The following ADGRD1 variants were observed in gnomAD, a reference collection of about 807,000 sequenced individuals.
The protein encoded by ADGRD1 is adhesion G protein-coupled receptor D1.
Under a neutral mutation model 113.4 loss-of-function variants are expected in ADGRD1, and 77 were observed. That is an observed-to-expected ratio of 0.68 (90% CI 0.57 to 0.82). ADGRD1 has a LOEUF of 0.82. ADGRD1 is among the 40% of genes least tolerant of loss of function. The pLI, the probability that ADGRD1 is intolerant of heterozygous loss-of-function variation, is 0.00. For synonymous variants in ADGRD1, 474 were observed against 475.0 expected, an observed-to-expected ratio of 1.00 and a Z score of 0.03; for missense variants, 1,036 against 1,139.1, an observed-to-expected ratio of 0.91 and a Z score of 1.30.
At position 131,097,813 on chromosome 12, in the gene ADGRD1, G is replaced by T. The variant is rs372769399; in HGVS notation, c.1672-7018G>T. Reference sequence around the variant, plus strand: ...GCAGATGGTTGGTTCAAGGGCTGGTGTGGGGGTGGAGTGTGGACCTAGCCC... The same window carrying T: ...GCAGATGGTTGGTTCAAGGGCTGGTTTGGGGGTGGAGTGTGGACCTAGCCC... On this transcript the variant is annotated intron_variant, in intron 15 of 24. Coordinates refer to ENST00000261654, the MANE Select transcript of ADGRD1 (RefSeq NM_198827.5). 1.1e-3 allele frequency among the ~76,000 whole-genome samples: 163 copies of T among 152,372 alleles called. 1 individual carries two copies. In the Middle Eastern group the frequency reaches 0.017, roughly 16 times the overall value.
chr12:131,103,532 T>C (rs1950146820), intron 15 of ADGRD1, among the ~76,000 whole-genome samples: 1 of 152,010 alleles, frequency 6.6e-6, no homozygotes, highest in African/African-American at 2.4e-5. Flanking sequence ...GGGCTTCCCA[T>C]GGCCCCCTGG....
chr12:130,979,815 T>TCACACACACACACACACACACACA (rs1491129989), intron 4 of ADGRD1, among the ~76,000 whole-genome samples: 13 of 139,740 alleles, frequency 9.3e-5, no homozygotes, highest in African/African-American at 2.9e-4. Flanking sequence ...GCAGCTAGTG[T>TCACACACACACACACACACACACA]CTCACACACA....
At chr12:131,099,620 G>C (rs2137296194) in intron 15 of ADGRD1, among the ~76,000 whole-genome samples, 1 of 152,296 alleles carries the variant, frequency 6.6e-6, no homozygotes, top group South Asian at 2.1e-4. Flanking sequence ...TGTGGAAGAA[G>C]AATGTATAAC....
At chr12:130,963,435 C>A (rs560491967) in intron 2 of ADGRD1, among the ~76,000 whole-genome samples, 22 of 152,140 alleles carry the variant, frequency 1.4e-4, no homozygotes, top group African/African-American at 4.1e-4. Flanking sequence ...TTTCTTCACT[C>A]CCAAAACAGC....
rs1950286773 is a variant in ADGRD1 at position 131,108,735 on chromosome 12, A to C, written c.1899A>C (p.Gln633His). The C allele has an allele frequency of 6.2e-7, 1 of 1,614,088 alleles. No homozygotes were observed. The highest frequency in any genetic ancestry group is 8.5e-7 in the Non-Finnish European group (1 of 1,180,004). The part of the protein sequence containing the change: ...FRLEPGTTPC[Q>H]VMAVLLHYFF... Reference sequence around the variant, plus strand: ...TGGTTAAATCCTAGACCCCCTGCCAAGTGATGGCCGTGCTCCTACACTACT... The same window carrying C: ...TGGTTAAATCCTAGACCCCCTGCCACGTGATGGCCGTGCTCCTACACTACT... Residue 633 changes from glutamine (Q) to histidine (H), a missense_variant, in exon 18 of 25, where the codon CAA becomes CAC. Transcript: ENST00000261654.
At position 130,965,189 on chromosome 12, in the gene ADGRD1, T is replaced by C. The variant is rs1232109912; in HGVS notation, c.104-1274T>C. ...GAGAACTCTTCTTTTTTTGTAGCAT[T>C]ATTGTTGGAATACAGAAAAGCAATT... On this transcript the variant is annotated intron_variant, in intron 2 of 24. Coordinates refer to ENST00000261654, the MANE Select transcript of ADGRD1 (RefSeq NM_198827.5). This position sits in a 1 kb window ranked among gnomAD's most constrained non-coding sequence, Gnocchi z 4.8. 6.6e-6 allele frequency among the ~76,000 whole-genome samples: 1 copy of C among 152,218 alleles called. No homozygotes were observed. Among genetic ancestry groups the C allele is most frequent in the East Asian group, 1.9e-4 (1 of 5,202 alleles).
chr12:131,014,967 G>A (rs1460621641), intron 13 of ADGRD1, among the ~76,000 whole-genome samples: 3 of 152,218 alleles, frequency 2.0e-5, no homozygotes, highest in Admixed American at 1.3e-4. Flanking sequence ...TAAAAAACGC[G>A]TGCGCTGTTC....
Position 131,136,068 on chromosome 12 carries a change from C to T in ADGRD1, c.2299C>T (p.Pro767Ser). 1 of 1,614,112 alleles carries T rather than the reference C, an allele frequency of 6.2e-7. No homozygotes were observed. Among genetic ancestry groups the T allele is most frequent in the Non-Finnish European group, 8.5e-7 (1 of 1,179,914 alleles). ...LTAKAVAVLL[P>S]ILGTSWVFGV... The stretch of plus-strand genomic sequence containing the variant: ...AGCCAAGGCAGTGGCCGTGCTGCTG[C>T]CCATCCTGGGTACCTCGTGGGTCTT... The change falls in exon 22 of 25, where the codon CCC (proline) becomes TCC (serine). Residue 767 changes from proline to serine, a missense_variant. Physicochemically the swap from Pro to Ser is moderately conservative, Grantham distance 74. Transcript: ENST00000261654.
chr12:131,000,778 AAAG>A (rs1876288129), intron 9 of ADGRD1, among the ~76,000 whole-genome samples: 1 of 151,686 alleles, frequency 6.6e-6, no homozygotes, highest in Admixed American at 6.6e-5. Context: ...GAGAGAGAGA[AAAG>A]AACATTTTGA....
intron 13 of ADGRD1, 95 bp from the exon 14 acceptor site, chr12:131,076,706 C>T (rs931506937): frequency 2.4e-5 from 25 of 1,034,174 alleles, no homozygotes; most frequent in Non-Finnish European, 3.1e-5. Flanking sequence ...TACCTGAGGT[C>T]GCCCAGCTGT....
At position 130,991,032 on chromosome 12, in the gene ADGRD1, C is replaced by T; in HGVS notation, c.764C>T (p.Ser255Phe). 6.2e-7 allele frequency: 1 copy of T among 1,614,062 alleles called. No individual in the cohort carries two copies. Among genetic ancestry groups the T allele is most frequent in the Non-Finnish European group, 8.5e-7 (1 of 1,179,916 alleles). The change falls in exon 7 of 25, where the codon TCT (serine) becomes TTT (phenylalanine). Residue 255 changes from serine to phenylalanine, a missense_variant. Ser to Phe is a radical substitution (Grantham distance 155). Transcript: ENST00000261654. ...TAAIGKHALL[S>F]STLPSLFMTS... ...CTTCCAGGAAAGCATGCTTTATTGTCTTCAACGCTGCCAAGCCTCTTCATG... is the reference window on the plus strand; with the variant it reads ...CTTCCAGGAAAGCATGCTTTATTGTTTTCAACGCTGCCAAGCCTCTTCATG...
chr12:130,955,788 G>GT (rs373055635), intron 2 of ADGRD1, among the ~76,000 whole-genome samples: 1 of 151,734 alleles, frequency 6.6e-6, no homozygotes, highest in African/African-American at 2.4e-5. Context: ...AATTATTTTT[G>GT]TTTTTATTTT....
intron 13 of ADGRD1, among the ~76,000 whole-genome samples, chr12:131,068,324 G>T (rs1171300653): frequency 6.6e-6 from 1 of 152,158 alleles, no homozygotes; most frequent in African/African-American, 2.4e-5. Context: ...GGGCATTTGG[G>T]TTTTTTTCTC....
intron 12 of ADGRD1, among the ~76,000 whole-genome samples, chr12:131,013,608 A>T (rs1286385345): frequency 6.6e-6 from 1 of 152,188 alleles, no homozygotes; most frequent in African/African-American, 2.4e-5. Flanking sequence ...CTGAGCCAAG[A>T]TAGAGTCAAC....
At chr12:130,994,398 C>G (rs1301409367) in intron 8 of ADGRD1, 1 of 274,282 alleles carries the variant, frequency 3.6e-6, no homozygotes. Context: ...AGTGCCCTGC[C>G]TGTAGCTAAG....
chr12:131,042,863 TG>T (rs1316990287), intron 13 of ADGRD1, among the ~76,000 whole-genome samples: 5 of 152,270 alleles, frequency 3.3e-5, no homozygotes, highest in African/African-American at 7.2e-5. Flanking sequence ...ACGAATTGGT[TG>T]ATTTCACATG....
chr12:131,039,532 G>T (rs912809959), intron 13 of ADGRD1, among the ~76,000 whole-genome samples: 1 of 152,254 alleles, frequency 6.6e-6, no homozygotes, highest in Non-Finnish European at 1.5e-5. Context: ...CCTGCAGGGA[G>T]CTCTGACAAG....
At chr12:130,963,101 A>G (rs1870553526) in intron 2 of ADGRD1, 2 of 152,178 alleles carry the variant, frequency 1.3e-5, no homozygotes, top group African/African-American at 4.8e-5. Context: ...CGGGCGGATC[A>G]CGAAGTCAGG....
In ADGRD1 at chr12:130,966,705, A is replaced by G; in HGVS notation, c.187+159A>G. On this transcript the variant is annotated intron_variant, in intron 3 of 24. Transcript: ENST00000261654. The surrounding 1 kb of genome is among the most constrained non-coding windows in gnomAD (Gnocchi z 4.6). ...CCGGGGAATCCCAGGGCCATCGGGGAGCAGATGTGGACACAATCTGCTTTG... is the reference window on the plus strand; with the variant it reads ...CCGGGGAATCCCAGGGCCATCGGGGGGCAGATGTGGACACAATCTGCTTTG... 8.0e-6 allele frequency: 5 copies of G among 624,486 alleles called. No individual in the cohort carries two copies. The highest frequency in any genetic ancestry group is 4.1e-4 in the Middle Eastern group (1 of 2,468). 38.7% of individuals were successfully genotyped at this position (624,486 alleles called of 1,614,324 possible). A position where few individuals can be genotyped will look rare whatever the true frequency, so the allele number is the denominator to read the frequency against.
Sources: allele counts gnomAD v4.1 joint callset (sites outside exome capture counted in the v4.1 genomes callset), GRCh38; gene constraint gnomAD v4.1.1; non-coding constraint Gnocchi (gnomAD v3.1); transcripts MANE v1.5; gene names NCBI Gene and HGNC (gene_info 2026-07-23, HGNC 2026-07-21).